The following PRDM6 variants were observed in gnomAD, a reference collection of about 807,000 sequenced individuals.
PRDM6 encodes the protein PR/SET domain 6, also known as putative histone-lysine N-methyltransferase PRDM6.
In PRDM6, 25 loss-of-function variants were observed where a neutral mutation model predicts 60.8. The observed-to-expected ratio is 0.41, with a 90% CI of 0.30 to 0.57. PRDM6 has a LOEUF of 0.57. Ranked by LOEUF, PRDM6 falls within the 20% of genes least tolerant of loss-of-function variation. PRDM6 has a pLI of 0.27. For synonymous variants in PRDM6, 407 were observed against 357.4 expected, an observed-to-expected ratio of 1.14 and a Z score of -1.57; for missense variants, 839 against 821.3, an observed-to-expected ratio of 1.02 and a Z score of -0.26.
At chr5:123,115,750 C>T (rs1764426313) in intron 3 of PRDM6, among the ~76,000 whole-genome samples, 1 of 152,166 alleles carries the variant, frequency 6.6e-6, no homozygotes, top group Non-Finnish European at 1.5e-5. Flanking sequence ...TGACTCCATA[C>T]TCTTAATATG....
intron 5 of PRDM6, among the ~76,000 whole-genome samples, chr5:123,162,759 C>T (rs1195621676): frequency 1.3e-5 from 2 of 152,130 alleles, no homozygotes; most frequent in African/African-American, 2.4e-5. Context: ...TGATTGGCCA[C>T]CCAAGAAACC....
intron 5 of PRDM6, among the ~76,000 whole-genome samples, chr5:123,169,071 T>C (rs1265247793): frequency 1.3e-5 from 2 of 152,264 alleles, no homozygotes; most frequent in Non-Finnish European, 1.5e-5. Context: ...CCAGTGGCCA[T>C]AGTCTGCATT....
In PRDM6 at chr5:123,099,817, C is replaced by T. The variant is rs981105577; in HGVS notation, c.756C>T (p.Thr252=). 3.9e-6 allele frequency: 6 copies of T among 1,550,250 alleles called. No homozygotes were observed. The highest frequency in any genetic ancestry group is 1.4e-5 in the African/African-American group (1 of 73,044). ...TGCCTCGCGAGGTGTGCCTCTGCAC[C>T]AGTACTGTGCCCGGCCTGGCCTACG... The part of the protein sequence containing the change: ...RDLPREVCLC[T]STVPGLAYGI... Residue 252 remains threonine (T), a synonymous_variant, in exon 3 of 8, where the codon ACC becomes ACT. Transcript: ENST00000407847. This position sits in a 1 kb window ranked among gnomAD's most constrained non-coding sequence, Gnocchi z 4.0.
chr5:123,136,859 C>T (rs1005257705), intron 3 of PRDM6, among the ~76,000 whole-genome samples: 6 of 70,172 alleles, frequency 8.6e-5, no homozygotes, highest in Non-Finnish European at 1.7e-4. Flanking sequence ...GTCTGGCTGG[C>T]AATGTGCATG....
At chr5:123,111,732 C>T (rs1561816032) in intron 3 of PRDM6, among the ~76,000 whole-genome samples, 5 of 151,956 alleles carry the variant, frequency 3.3e-5, no homozygotes, top group Non-Finnish European at 7.4e-5. Context: ...ATGCCAGTCT[C>T]GTCCTTTCTC....
At chr5:123,162,392 C>T (rs1349565703) in intron 5 of PRDM6, among the ~76,000 whole-genome samples, 1 of 152,194 alleles carries the variant, frequency 6.6e-6, no homozygotes, top group Non-Finnish European at 1.5e-5. Context: ...CTGGAAAAAA[C>T]ATACCAGTTT....
chr5:123,171,716 T>G (rs997179301), intron 6 of PRDM6, among the ~76,000 whole-genome samples: 1 of 152,074 alleles, frequency 6.6e-6, no homozygotes, highest in Non-Finnish European at 1.5e-5. Flanking sequence ...AGAGTCAAAG[T>G]TGGTTTGAAA....
chr5:123,172,913 C>T (rs1290214307), intron 6 of PRDM6, among the ~76,000 whole-genome samples: 1 of 152,110 alleles, frequency 6.6e-6, no homozygotes, highest in Admixed American at 6.5e-5. Context: ...TGTGTGGGGC[C>T]GGGCGCAGTG....
rs570205920 is a variant in PRDM6, at chr5:123,168,924, C to T, written c.1154-1842C>T. On this transcript the variant is annotated intron_variant, in intron 5 of 7. Coordinates refer to ENST00000407847, the MANE Select transcript of PRDM6 (RefSeq NM_001136239.4). ...CCCTGTCCACTTGAGCACAGAGCTT[C>T]GTGGCAGTCATAGTCCCCCACCGTT... Among the ~76,000 whole-genome samples, 11 of 152,342 alleles carry T rather than the reference C, an allele frequency of 7.2e-5. No homozygotes were observed. In the East Asian group the frequency reaches 1.5e-3, roughly 21 times the overall value.
intron 3 of PRDM6, among the ~76,000 whole-genome samples, chr5:123,155,087 CTT>C (rs1765462697): frequency 1.3e-5 from 2 of 152,100 alleles, no homozygotes; most frequent in Non-Finnish European, 2.9e-5. Flanking sequence ...TTTCACAAGA[CTT>C]TTTGTCTCAT....
chr5:123,144,266 G>A (rs1351757688), intron 3 of PRDM6, among the ~76,000 whole-genome samples: 3 of 152,200 alleles, frequency 2.0e-5, no homozygotes, highest in Non-Finnish European at 2.9e-5. Context: ...TATGCAATGG[G>A]AAGGATCCTG....
intron 3 of PRDM6, among the ~76,000 whole-genome samples, chr5:123,126,987 G>A (rs1486512428): frequency 6.6e-6 from 1 of 151,934 alleles, no homozygotes; most frequent in Non-Finnish European, 1.5e-5. Context: ...AAATTTCCAG[G>A]AAAACCCTGG....
chr5:123,095,661 G>T, intron 2 of PRDM6, among the ~76,000 whole-genome samples: 1 of 152,228 alleles, frequency 6.6e-6, no homozygotes, highest in East Asian at 1.9e-4. Context: ...AGCCGGGGTG[G>T]ATAGTGGCGC....
At chr5:123,135,928 C>A (rs1561841760) in intron 3 of PRDM6, among the ~76,000 whole-genome samples, 2 of 152,160 alleles carry the variant, frequency 1.3e-5, no homozygotes, top group South Asian at 2.1e-4. Context: ...AACTGTCATA[C>A]TGCCTTGGGA....
intron 3 of PRDM6, among the ~76,000 whole-genome samples, chr5:123,137,673 A>G (rs1764994234): frequency 6.6e-6 from 1 of 152,150 alleles, no homozygotes; most frequent in Non-Finnish European, 1.5e-5. Flanking sequence ...TAGCATTAGG[A>G]GAAATACCTG....
intron 3 of PRDM6, among the ~76,000 whole-genome samples, chr5:123,101,123 A>C (rs1470959820): frequency 6.6e-6 from 1 of 152,142 alleles, no homozygotes. Flanking sequence ...CCTTATATTC[A>C]CTAAATAAAG....
chr5:123,128,338 C>A (rs990752096), intron 3 of PRDM6, among the ~76,000 whole-genome samples: 1 of 152,298 alleles, frequency 6.6e-6, no homozygotes, highest in Non-Finnish European at 1.5e-5. Context: ...CTTGAGGAAT[C>A]GCCTCACTGT....
At chr5:123,171,929 CT>C (rs112008923) in intron 6 of PRDM6, among the ~76,000 whole-genome samples, 3 of 152,248 alleles carry the variant, frequency 2.0e-5, no homozygotes, top group African/African-American at 7.2e-5. Context: ...GAAAGGATTG[CT>C]TGTGTTTTTA....
chr5:123,105,481 A>G (rs185675762), intron 3 of PRDM6, among the ~76,000 whole-genome samples: 1 of 152,340 alleles, frequency 6.6e-6, no homozygotes, highest in East Asian at 1.9e-4. Flanking sequence ...TTACCCAGAA[A>G]TCACTTACAG....
Sources: allele counts gnomAD v4.1 joint callset (sites outside exome capture counted in the v4.1 genomes callset), GRCh38; gene constraint gnomAD v4.1.1; non-coding constraint Gnocchi (gnomAD v3.1); transcripts MANE v1.5; gene names NCBI Gene and HGNC (gene_info 2026-07-23, HGNC 2026-07-21).